Variants in EPC1 observed in about 807,000 individuals in gnomAD.
EPC1 encodes the protein enhancer of polycomb homolog 1.
A neutral mutation model predicts 98.4 loss-of-function variants in EPC1; 12 were observed. The observed-to-expected ratio is 0.12, with a 90% CI of 0.08 to 0.20. The LOEUF is 0.20. Ranked by LOEUF, EPC1 falls within the 10% of genes least tolerant of loss-of-function variation. EPC1 has a pLI of 1.00. For synonymous variants in EPC1, 357 were observed against 363.9 expected, an observed-to-expected ratio of 0.98 and a Z score of 0.21; for missense variants, 729 against 990.5, an observed-to-expected ratio of 0.74 and a Z score of 3.54.
At chr10:32,359,989 T>C (rs1309696493) in intron 1 of EPC1, among the ~76,000 whole-genome samples, 1 of 152,218 alleles carries the variant, frequency 6.6e-6, no homozygotes, top group African/African-American at 2.4e-5. Context: ...TTCATACTTT[T>C]GTATCATTCG....
intron 1 of EPC1, among the ~76,000 whole-genome samples, chr10:32,372,776 C>G (rs1439611759): frequency 6.6e-6 from 1 of 152,234 alleles, no homozygotes; most frequent in Non-Finnish European, 1.5e-5. Context: ...AATCCCAGCA[C>G]TTTGGCAGCC....
At chr10:32,285,306 A>T in intron 9 of EPC1, 2 of 391,506 alleles carry the variant, frequency 5.1e-6, no homozygotes, top group Non-Finnish European at 9.1e-6. Context: ...TGCTTTATAA[A>T]ATGTTGCGAA....
intron 1 of EPC1, among the ~76,000 whole-genome samples, chr10:32,332,828 A>C (rs185190058): frequency 1.3e-5 from 2 of 152,254 alleles, no homozygotes; most frequent in Non-Finnish European, 2.9e-5. Context: ...CCTCACTGCT[A>C]TAACAGAACA....
At chr10:32,345,538 C>T in intron 1 of EPC1, 1 of 985,490 alleles carries the variant, frequency 1.0e-6, no homozygotes, top group Non-Finnish European at 1.2e-6. Context: ...TGTCAATACA[C>T]TGCACCCTGT....
chr10:32,338,242 G>T (rs1198867976), intron 1 of EPC1, among the ~76,000 whole-genome samples: 2 of 152,100 alleles, frequency 1.3e-5, no homozygotes, highest in African/African-American at 4.8e-5. Flanking sequence ...TTCATCCTCG[G>T]ATTCTCTCTC....
intron 10 of EPC1, among the ~76,000 whole-genome samples, chr10:32,278,468 G>A (rs1382505271): frequency 2.6e-5 from 3 of 113,300 alleles, no homozygotes; most frequent in African/African-American, 6.7e-5. Flanking sequence ...TGCAAGCTCC[G>A]CCTCCCGGGT....
intron 2 of EPC1, among the ~76,000 whole-genome samples, chr10:32,301,038 A>ATATTTATC (rs71299736): frequency 0.092 from 13,157 of 142,988 alleles, 699 homozygotes; most frequent in East Asian, 0.14. Flanking sequence ...AAGCACATTT[A>ATATTTATC]TATCTATCTA....
At chr10:32,346,715 A>T (rs1027094357) in intron 1 of EPC1, 48 bp downstream of exon 1, 22 of 1,559,866 alleles carry the variant, frequency 1.4e-5, no homozygotes, top group Non-Finnish European at 1.8e-5. Flanking sequence ...CGCAGGCAGC[A>T]GAGGGAGCGG....
intron 1 of EPC1, among the ~76,000 whole-genome samples, chr10:32,358,659 G>A (rs977868281): frequency 2.0e-5 from 3 of 150,732 alleles, no homozygotes; most frequent in Admixed American, 6.6e-5. Flanking sequence ...CGGGGGCGGG[G>A]GGGGAAGAAA....
intron 1 of EPC1, among the ~76,000 whole-genome samples, chr10:32,376,145 A>G (rs1467489829): frequency 6.6e-6 from 1 of 152,028 alleles, no homozygotes; most frequent in Admixed American, 6.5e-5. Flanking sequence ...TATATGAAGG[A>G]TTTTTAAAAG....
chr10:32,334,996 T>A (rs950658059), intron 1 of EPC1, among the ~76,000 whole-genome samples: 1 of 152,160 alleles, frequency 6.6e-6, no homozygotes, highest in Non-Finnish European at 1.5e-5. Flanking sequence ...TGTACAAAAA[T>A]CCTTCATTGT....
chr10:32,299,098 T>C (rs887496915), intron 2 of EPC1, among the ~76,000 whole-genome samples: 5 of 152,254 alleles, frequency 3.3e-5, no homozygotes, highest in Non-Finnish European at 5.9e-5. Flanking sequence ...TGCTCGTGCT[T>C]GTGTGCACTT....
chr10:32,289,650 G>T (rs1159978451), intron 6 of EPC1, among the ~76,000 whole-genome samples: 1 of 150,148 alleles, frequency 6.7e-6, no homozygotes, highest in African/African-American at 2.5e-5. Flanking sequence ...TTTAGACGGA[G>T]TCTCGCACTG....
At chr10:32,326,568 G>A (rs114583326) in intron 1 of EPC1, among the ~76,000 whole-genome samples, 2,061 of 152,096 alleles carry the variant, frequency 0.014, 47 homozygotes, top group African/African-American at 0.047. Flanking sequence ...CTGGAGATAG[G>A]GTACTATTAT....
At chr10:32,321,632 G>A (rs1249509636) in intron 1 of EPC1, among the ~76,000 whole-genome samples, 3 of 151,414 alleles carry the variant, frequency 2.0e-5, no homozygotes, top group Admixed American at 6.6e-5. Flanking sequence ...GAAGAGGGAA[G>A]TAATATTAAG....
intron 1 of EPC1, chr10:32,377,087 C>T (rs969801510): frequency 1.3e-5 from 2 of 152,054 alleles, no homozygotes; most frequent in Admixed American, 1.3e-4. Flanking sequence ...AGATATAATC[C>T]TGCATTTAGA....
rs565170835 is a variant in EPC1 at position 32,345,555 on chromosome 10, G to A, written c.153+1208C>T. On this transcript the variant is annotated intron_variant, in intron 1 of 13. Transcript: ENST00000319778. Reference sequence around the variant, plus strand: ...TCAATACACTGCACCCTGTTTAAATGGCTGTACCTGAAAACCAAGGTATGC... The same window carrying A: ...TCAATACACTGCACCCTGTTTAAATAGCTGTACCTGAAAACCAAGGTATGC... The A allele has an allele frequency of 7.0e-5, 69 of 985,320 alleles. No individual in the cohort carries two copies. In the South Asian group the frequency reaches 3.1e-3, roughly 45 times the overall value. 61.0% of individuals were successfully genotyped at this position (985,320 alleles called of 1,614,324 possible). A position where few individuals can be genotyped will look rare whatever the true frequency, so the allele number is the denominator to read the frequency against.
intron 1 of EPC1, among the ~76,000 whole-genome samples, chr10:32,309,886 A>G (rs1836105144): frequency 1.3e-5 from 2 of 150,042 alleles, no homozygotes; most frequent in South Asian, 4.2e-4. Context: ...CAAGCAATAT[A>G]GTATAGTGGT....
intron 2 of EPC1, among the ~76,000 whole-genome samples, chr10:32,296,432 A>C (rs959137940): frequency 1.3e-5 from 2 of 152,184 alleles, no homozygotes; most frequent in African/African-American, 4.8e-5. Context: ...GGTAGATATT[A>C]TATTATCAAT....
Sources: gnomAD v4.1 joint callset for allele counts (sites outside exome capture counted in the v4.1 genomes callset) on GRCh38, gnomAD v4.1.1 for gene constraint, MANE v1.5 for transcripts, NCBI Gene and HGNC (gene_info 2026-07-23, HGNC 2026-07-21) for gene names.